CES2: variants seen among roughly 807,000 people sequenced by gnomAD.
CES2 encodes cocaine esterase.
A neutral mutation model predicts 52.1 loss-of-function variants in CES2; 42 were observed. The ratio of observed to expected loss-of-function variants is 0.81; its 90% confidence interval spans 0.63 to 1.04. CES2 has a LOEUF of 1.04. CES2 is among the 50% of genes least tolerant of loss of function. The pLI is 0.00. For missense variants in CES2, 656 were observed against 724.3 expected (o/e 0.91, Z 1.08); for synonymous variants, 277 against 289.6 (o/e 0.96, Z 0.44).
chr16:66,935,927 G>T, intron 1 of CES2: 1 of 1,437,164 alleles, frequency 7.0e-7, no homozygotes, highest in Non-Finnish European at 9.1e-7. Context: ...CCACGGCAAG[G>T]AACCAGCGGA....
At chr16:66,941,882 GGGC>G in intron 8 of CES2, 34 bp downstream of exon 8, 1 of 1,613,302 alleles carries the variant, frequency 6.2e-7, no homozygotes, top group South Asian at 1.1e-5. Flanking sequence ...CAATGGAGAC[GGGC>G]TCCTCTCCTG....
chr16:66,937,665 A>C (rs993939079), intron 1 of CES2, among the ~76,000 whole-genome samples: 1 of 152,124 alleles, frequency 6.6e-6, no homozygotes, highest in Non-Finnish European at 1.5e-5. Flanking sequence ...ATTTCTTGCC[A>C]CTTTGGACAT....
intron 1 of CES2, chr16:66,936,059 G>C (rs575430709): frequency 1.5e-4 from 177 of 1,185,290 alleles, no homozygotes; most frequent in African/African-American, 1.3e-3. Context: ...TGGCTGTAGC[G>C]GGTGCTGCCG....
chr16:66,943,970 T>C lies in CES2; in HGVS notation c.1625T>C (p.Leu542Pro). ...AGGCTCCAGTTCTGGAAGAAGGCGCTGCCCCAAAAGATCCAGGAGCTCGAG... is the reference window on the plus strand; with the variant it reads ...AGGCTCCAGTTCTGGAAGAAGGCGCCGCCCCAAAAGATCCAGGAGCTCGAG... The part of the protein sequence containing the change: ...AHRLQFWKKA[L>P]PQKIQELEEP... Residue 542 changes from leucine to proline, a missense_variant, in exon 12 of 12, where the codon CTG (leucine) becomes CCG (proline). Transcript: ENST00000317091. This position sits in a 1 kb window ranked among gnomAD's most constrained non-coding sequence, Gnocchi z 4.2. 6.2e-7 allele frequency: 1 copy of C among 1,600,250 alleles called. No homozygotes were observed. Among genetic ancestry groups the C allele is most frequent in the South Asian group, 1.1e-5 (1 of 89,604 alleles).
chr16:66,935,500 C>G, upstream of CES2: 1 of 1,614,042 alleles, frequency 6.2e-7, no homozygotes, highest in African/African-American at 1.3e-5. Context: ...CAAGCCAGCG[C>G]ACCCCGCTGA....
At chr16:66,935,304 G>A (rs1200937), upstream of CES2, 1 of 964,392 alleles carries the variant, frequency 1.0e-6, no homozygotes, top group Non-Finnish European at 1.6e-6. Flanking sequence ...CTGTGGACAA[G>A]GACAGGTTTG....
At position 66,940,535 on chromosome 16, in the gene CES2, C is replaced by T. The variant is rs867584938; in HGVS notation, c.656C>T (p.Pro219Leu). 6.2e-7 allele frequency: 1 copy of T among 1,614,254 alleles called. No individual in the cohort carries two copies. Among genetic ancestry groups the T allele is most frequent in the African/African-American group, 1.3e-5 (1 of 75,072 alleles). ...AATATCGCCCACTTTGGAGGCAACC[C>T]TGACCGTGTCACCATTTTTGGCGAG... Reference protein sequence around the residue: ...QQNIAHFGGNPDRVTIFGESA... With the variant: ...QQNIAHFGGNLDRVTIFGESA... The change falls in exon 5 of 12, where the codon CCT (proline) becomes CTT (leucine). Residue 219 changes from proline to leucine, a missense_variant. Pro to Leu is a moderately conservative substitution (Grantham distance 98). Transcript: ENST00000317091.
In CES2 at chr16:66,935,659, G is replaced by C. The variant is rs1333099591; in HGVS notation, c.24G>C (p.Ala8=). Reference sequence around the variant, plus strand: ...CCATGCGGCTGCACAGACTTCGTGCGCGGCTGAGCGCGGTGGCCTGTGGGC... The same window carrying C: ...CCATGCGGCTGCACAGACTTCGTGCCCGGCTGAGCGCGGTGGCCTGTGGGC... MRLHRLR[A]RLSAVACGLL... Residue 8 remains alanine (A), a synonymous_variant, in exon 1 of 12, where the codon GCG becomes GCC. Transcript: ENST00000317091. 3 of 1,603,176 alleles carry C rather than the reference G, an allele frequency of 1.9e-6. No homozygotes were observed. In the African/African-American group the frequency reaches 4.0e-5, roughly 21 times the overall value.
Position 66,944,128 on chromosome 16 carries a change from C to T in CES2, c.*103C>T, listed in dbSNP as rs1370342943. The stretch of plus-strand genomic sequence containing the variant: ...GGAGAAAGAAGTTGATTCCTTCATT[C>T]ACTTCGCCATTCATTCATACTTCCG... On this transcript the variant is annotated 3_prime_UTR_variant, in exon 12 of 12. Coordinates refer to ENST00000317091, the MANE Select transcript of CES2 (RefSeq NM_001365405.1). 2 of 553,434 alleles carry T rather than the reference C, an allele frequency of 3.6e-6. No individual in the cohort carries two copies. The highest frequency in any genetic ancestry group is 3.1e-5 in the South Asian group (1 of 31,890). The allele number at this position is 553,434 out of a possible 1,614,324, so 34.3% of individuals were successfully genotyped here.
chr16:66,935,304 G>C (rs1200937), upstream of CES2: 242 of 964,392 alleles, frequency 2.5e-4, 1 homozygote, highest in Middle Eastern at 6.0e-3. Context: ...CTGTGGACAA[G>C]GACAGGTTTG....
chr16:66,935,922 GC>G, intron 1 of CES2: 2 of 1,440,434 alleles, frequency 1.4e-6, no homozygotes, highest in Non-Finnish European at 1.8e-6. Flanking sequence ...GGACACCACG[GC>G]AAGGAACCAG....
intron 1 of CES2, among the ~76,000 whole-genome samples, chr16:66,936,636 G>T (rs771775428): frequency 2.6e-5 from 4 of 152,178 alleles, no homozygotes; most frequent in African/African-American, 4.8e-5. Context: ...TGCCTGCCAG[G>T]CTTCTCCAGG....
chr16:66,943,695 G>T lies in CES2; in HGVS notation c.1494-144G>T. 2 of 651,768 alleles carry T rather than the reference G, an allele frequency of 3.1e-6. No individual in the cohort carries two copies. Among genetic ancestry groups the T allele is most frequent in the Non-Finnish European group, 5.2e-6 (2 of 383,330 alleles). The allele number at this position is 651,768 out of a possible 1,614,324, so 40.4% of individuals were successfully genotyped here. On this transcript the variant is annotated intron_variant, in intron 11 of 11. Transcript: ENST00000317091. The surrounding 1 kb of genome is among the most constrained non-coding windows in gnomAD (Gnocchi z 4.2). ...ACTAGCCAGAGGGAGCTTATTTCCT[G>T]TTTCTGGAAGCCTCCCCACTCATTC...
At chr16:66,940,773 G>A (rs776729591) in intron 5 of CES2, 78 bp downstream of exon 5, 8 of 1,520,298 alleles carry the variant, frequency 5.3e-6, no homozygotes, top group Non-Finnish European at 7.1e-6. Flanking sequence ...GTTAAACGGG[G>A]ATGACAAGGG....
In CES2 at chr16:66,936,115, G is replaced by A. The variant is rs1288078274; in HGVS notation, c.76+404G>A. Reference sequence around the variant, plus strand: ...CTTCTGGCAGCATCTGGCTCTCAGTGTGTGGCGTCCTTGGCCAGGGGGGAT... The same window carrying A: ...CTTCTGGCAGCATCTGGCTCTCAGTATGTGGCGTCCTTGGCCAGGGGGGAT... On this transcript the variant is annotated intron_variant, in intron 1 of 11. Coordinates refer to ENST00000317091, the MANE Select transcript of CES2 (RefSeq NM_001365405.1). The A allele has an allele frequency of 6.1e-6, 5 of 824,014 alleles. No homozygotes were observed. The African/African-American group carries it at 8.9e-5, about 15-fold the overall frequency. The allele number at this position is 824,014 out of a possible 1,614,324, so 51.0% of individuals were successfully genotyped here.
rs767614368 is a variant in CES2 at position 66,941,799 on chromosome 16, T to C, written c.1088T>C (p.Met363Thr). 5 of 1,614,088 alleles carry C rather than the reference T, an allele frequency of 3.1e-6. No homozygotes were observed. Among genetic ancestry groups the C allele is most frequent in the Middle Eastern group, 1.6e-4 (1 of 6,062 alleles). Residue 363 changes from methionine to threonine, a missense_variant, in exon 8 of 12, where the codon ATG (methionine) becomes ACG (threonine). Physicochemically the swap from Met to Thr is moderately conservative, Grantham distance 81. Coordinates refer to ENST00000317091, the MANE Select transcript of CES2 (RefSeq NM_001365405.1). The stretch of plus-strand genomic sequence containing the variant: ...AGGATCTATGATACCCAGAAGGAAA[T>C]GGACAGAGAGGCCTCCCAGGCTGCT... ...VMRIYDTQKE[M>T]DREASQAALQ...
rs752357979 is a variant in CES2, at chr16:66,935,571, CG to C, written c.-61del. 21 of 1,613,580 alleles carry C rather than the reference CG, an allele frequency of 1.3e-5. No homozygotes were observed. In the South Asian group the frequency reaches 2.0e-4, roughly 15 times the overall value. On this transcript the variant is annotated 5_prime_UTR_variant, in exon 1 of 12. Transcript: ENST00000317091. ...GCACTGATCCACTGCTGGACAGACC[CG>C]GGGCAGCCTCTGGGTGAACAGCAGC...
intron 1 of CES2, among the ~76,000 whole-genome samples, chr16:66,937,031 A>G (rs1472128776): frequency 6.6e-6 from 1 of 151,442 alleles, no homozygotes. Context: ...AAAAAAAAAA[A>G]AGTCAAGCAT....
chr16:66,939,508 C>A, intron 3 of CES2, 150 bp downstream of exon 3: 1 of 799,050 alleles, frequency 1.3e-6, no homozygotes, highest in Non-Finnish European at 2.0e-6. Context: ...CTTACCCAGA[C>A]TGGGCAGCTG....
Sources: allele counts gnomAD v4.1 joint callset (sites outside exome capture counted in the v4.1 genomes callset), GRCh38; gene constraint gnomAD v4.1.1; non-coding constraint Gnocchi (gnomAD v3.1); transcripts MANE v1.5; gene names NCBI Gene and HGNC (gene_info 2026-07-23, HGNC 2026-07-21).